The following KDM1B variants were observed in gnomAD, a reference collection of about 807,000 sequenced individuals.
KDM1B encodes the protein lysine demethylase 1B, also known as lysine-specific histone demethylase 2.
In KDM1B, 63 loss-of-function variants were observed where a neutral mutation model predicts 107.4. The observed-to-expected ratio is 0.59, with a 90% CI of 0.48 to 0.72. The LOEUF is 0.72. KDM1B is among the 30% of genes least tolerant of loss of function. The pLI, the probability that KDM1B is intolerant of heterozygous loss-of-function variation, is 0.00. For missense variants in KDM1B, 749 were observed against 1,020.8 expected (o/e 0.73, Z 3.63); for synonymous variants, 363 against 363.9 (o/e 1.00, Z 0.03).
rs750079720 is a variant in KDM1B at position 18,162,817 on chromosome 6, GTTT to G, written c.216-15_216-13del. 2.1e-5 allele frequency: 29 copies of G among 1,408,006 alleles called. No individual in the cohort carries two copies. The highest frequency in any genetic ancestry group is 1.5e-4 in the Admixed American group (9 of 59,518). The allele number at this position is 1,408,006 out of a possible 1,614,324, so 87.2% of individuals were successfully genotyped here. The stretch of plus-strand genomic sequence containing the variant: ...TGTTTATTCATTACCAAAGCTATAT[GTTT>G]TTCACTATTTTCAGATGTGCCAAAA... On this transcript the variant is annotated splice_polypyrimidine_tract_variant and intron_variant, in intron 4 of 21. Coordinates refer to ENST00000650836, the MANE Select transcript of KDM1B (RefSeq NM_001364614.2). The surrounding 1 kb of genome is among the most constrained non-coding windows in gnomAD (Gnocchi z 4.1).
intron 17 of KDM1B, among the ~76,000 whole-genome samples, chr6:18,210,353 T>TTTTTG: frequency 2.1e-5 from 1 of 46,920 alleles, no homozygotes; most frequent in Non-Finnish European, 4.1e-5. Flanking sequence ...TTTTTTTTTT[T>TTTTTG]TTTTTTTTTT....
At chr6:18,170,635 C>T (rs975848838) in intron 6 of KDM1B, among the ~76,000 whole-genome samples, 1 of 151,744 alleles carries the variant, frequency 6.6e-6, no homozygotes, top group Non-Finnish European at 1.5e-5. Flanking sequence ...CATGCACCAC[C>T]GCACCTGTCT....
chr6:18,160,277 A>G (rs1387330697), intron 3 of KDM1B, among the ~76,000 whole-genome samples: 1 of 152,220 alleles, frequency 6.6e-6, no homozygotes, highest in East Asian at 1.9e-4. Context: ...GGGCCAGATC[A>G]TGCCTGGCTT....
In KDM1B at chr6:18,186,330, G is replaced by A. The variant is rs1169313445; in HGVS notation, c.573+520G>A. On this transcript the variant is annotated intron_variant, in intron 8 of 21. Coordinates refer to ENST00000650836, the MANE Select transcript of KDM1B (RefSeq NM_001364614.2). The surrounding 1 kb of genome is among the most constrained non-coding windows in gnomAD (Gnocchi z 5.6). ...ATTTCCTCTGTTTTCATAAGACTTTGCTACCTGAGTTGACAAACTTCAGTG... is the reference window on the plus strand; with the variant it reads ...ATTTCCTCTGTTTTCATAAGACTTTACTACCTGAGTTGACAAACTTCAGTG... Among the ~76,000 whole-genome samples, 1 of 152,178 alleles carries A rather than the reference G, an allele frequency of 6.6e-6. No homozygotes were observed. The highest frequency in any genetic ancestry group is 1.5e-5 in the Non-Finnish European group (1 of 68,040).
At position 18,185,823 on chromosome 6, in the gene KDM1B, G is replaced by A. The variant is rs747817790; in HGVS notation, c.573+13G>A. ...CCCAGAGGATCTAGTGAGTATTTCC[G>A]GATGGTGTGGATTGGGGTTAATTGT... On this transcript the variant is annotated intron_variant, in intron 8 of 21. Coordinates refer to ENST00000650836, the MANE Select transcript of KDM1B (RefSeq NM_001364614.2). The A allele has an allele frequency of 9.3e-6, 15 of 1,612,232 alleles. No homozygotes were observed. In the East Asian group the frequency reaches 1.8e-4, roughly 19 times the overall value.
chr6:18,206,138 G>A (rs9477673), intron 15 of KDM1B, among the ~76,000 whole-genome samples: 23,393 of 143,396 alleles, frequency 0.16, 2,046 homozygotes, highest in African/African-American at 0.25. Flanking sequence ...AGTGGTTTTG[G>A]TTGTTTTTTA....
chr6:18,208,224 A>G lies in KDM1B; in HGVS notation c.1866+18A>G, dbSNP rs762435456. On this transcript the variant is annotated intron_variant, in intron 17 of 21. Transcript: ENST00000650836. ...CACAAAAGGTAAGAGCTAGGGCAGT[A>G]CAAGGGTGGGTAGAAACCTTTGCTG... 2 of 1,587,618 alleles carry G rather than the reference A, an allele frequency of 1.3e-6. No individual in the cohort carries two copies. The highest frequency in any genetic ancestry group is 1.4e-5 in the African/African-American group (1 of 73,994).
chr6:18,219,194 G>T (rs551332058), intron 21 of KDM1B, among the ~76,000 whole-genome samples: 22 of 152,244 alleles, frequency 1.4e-4, no homozygotes, highest in Admixed American at 1.4e-3. Context: ...GAGCCACCGC[G>T]CCTGGCCTGG....
intron 6 of KDM1B, among the ~76,000 whole-genome samples, chr6:18,166,956 C>T (rs1310528106): frequency 1.1e-4 from 16 of 151,540 alleles, no homozygotes; most frequent in Admixed American, 9.8e-4. Context: ...TCCTTTTTTT[C>T]TTTTCATATT....
chr6:18,176,580 T>C (rs1786026087), intron 7 of KDM1B, among the ~76,000 whole-genome samples: 1 of 152,188 alleles, frequency 6.6e-6, no homozygotes, highest in Admixed American at 6.5e-5. Context: ...AGTATTATGT[T>C]GTCTGTGGGT....
At chr6:18,188,078 G>C in intron 9 of KDM1B, 76 bp downstream of exon 9, 1 of 1,317,150 alleles carries the variant, frequency 7.6e-7, no homozygotes, top group South Asian at 1.3e-5. Flanking sequence ...TGAGCAAAAC[G>C]CAAAGGATTT....
chr6:18,187,913 C>T lies in KDM1B; in HGVS notation c.695C>T (p.Pro232Leu). 1 of 1,550,408 alleles carries T rather than the reference C, an allele frequency of 6.4e-7. No individual in the cohort carries two copies. Among genetic ancestry groups the T allele is most frequent in the Non-Finnish European group, 8.7e-7 (1 of 1,146,952 alleles). The change falls in exon 9 of 22, where the codon CCC (proline) becomes CTC (leucine). Residue 232 changes from proline to leucine, a missense_variant. Coordinates refer to ENST00000650836, the MANE Select transcript of KDM1B (RefSeq NM_001364614.2). The stretch of plus-strand genomic sequence containing the variant: ...TACCCTGACTGTGTTGGCATGAGCC[C>T]CTCCTGCACCAGCACAAACCGCGCC... ...AYYPDCVGMSPSCTSTNRAAA... is the reference protein window; with the variant it reads ...AYYPDCVGMSLSCTSTNRAAA...
At position 18,201,213 on chromosome 6, in the gene KDM1B, A is replaced by G. The variant is rs1321525919; in HGVS notation, c.1360-273A>G. ...TGAGCAAGGACAGGCAGTGTCTAGC[A>G]TCTGAAACATTAGCCAAAAAGTTAC... On this transcript the variant is annotated intron_variant, in intron 13 of 21. Coordinates refer to ENST00000650836, the MANE Select transcript of KDM1B (RefSeq NM_001364614.2). The surrounding 1 kb of genome is among the most constrained non-coding windows in gnomAD (Gnocchi z 4.3). 6.6e-6 allele frequency among the ~76,000 whole-genome samples: 1 copy of G among 152,232 alleles called. No homozygotes were observed. Among genetic ancestry groups the G allele is most frequent in the African/African-American group, 2.4e-5 (1 of 41,462 alleles).
chr6:18,165,136 T>TTTA (rs1785212020), intron 5 of KDM1B, among the ~76,000 whole-genome samples: 1 of 137,130 alleles, frequency 7.3e-6, no homozygotes, highest in Admixed American at 7.4e-5. Flanking sequence ...TGATTTTTTT[T>TTTA]TTTTTTTTTT....
At chr6:18,196,481 AC>A (rs1287269066) in intron 10 of KDM1B, among the ~76,000 whole-genome samples, 1 of 152,096 alleles carries the variant, frequency 6.6e-6, no homozygotes. Flanking sequence ...ATCATTTGTT[AC>A]CTTTTGTCTT....
At chr6:18,215,194 G>A in intron 20 of KDM1B, 65 bp downstream of exon 20, 6 of 1,529,038 alleles carry the variant, frequency 3.9e-6, no homozygotes, top group Non-Finnish European at 5.3e-6. Context: ...CAGGTGTGAA[G>A]CCCAAGCAGC....
At position 18,186,906 on chromosome 6, in the gene KDM1B, A is replaced by C. The variant is rs1324931108; in HGVS notation, c.574-886A>C. Among the ~76,000 whole-genome samples the C allele has an allele frequency of 1.3e-5, 2 of 152,058 alleles. No homozygotes were observed. The highest frequency in any genetic ancestry group is 2.9e-5 in the Non-Finnish European group (2 of 68,028). On this transcript the variant is annotated intron_variant, in intron 8 of 21. Transcript: ENST00000650836. The surrounding 1 kb of genome is among the most constrained non-coding windows in gnomAD (Gnocchi z 5.6). ...GACACATGGGGATTATAGGAACTAC[A>C]ATTCAAGATGAGATTTGAGTGGGGA...
At chr6:18,156,876 C>G (rs1433910289) in intron 2 of KDM1B, among the ~76,000 whole-genome samples, 1 of 152,014 alleles carries the variant, frequency 6.6e-6, no homozygotes, top group Non-Finnish European at 1.5e-5. Context: ...GAGATCGCAC[C>G]ACTGTACTCC....
chr6:18,179,993 A>G (rs1452122485), intron 7 of KDM1B, among the ~76,000 whole-genome samples: 4 of 147,144 alleles, frequency 2.7e-5, no homozygotes, highest in African/African-American at 1.0e-4. Flanking sequence ...TCTCCTGAGT[A>G]GCTGGGACTA....
Sources: allele counts gnomAD v4.1 joint callset (sites outside exome capture counted in the v4.1 genomes callset), GRCh38; gene constraint gnomAD v4.1.1; non-coding constraint Gnocchi (gnomAD v3.1); transcripts MANE v1.5; gene names NCBI Gene and HGNC (gene_info 2026-07-23, HGNC 2026-07-21).